Variants in GGT1 observed in about 807,000 individuals in gnomAD.
GGT1 encodes the protein gamma-glutamyltransferase 1.
GGT1 carries 21 observed loss-of-function variants against 56.0 expected under a neutral mutation model. The ratio of observed to expected loss-of-function variants is 0.38; its 90% confidence interval spans 0.27 to 0.54. The LOEUF is 0.54. Among genes scored for constraint, GGT1 ranks in the 20% least tolerant of loss-of-function variants. GGT1 has a pLI of 0.82. For synonymous variants in GGT1, 238 were observed against 342.6 expected (o/e 0.69, Z 3.37); for missense variants, 466 against 787.0 (o/e 0.59, Z 4.88).
At chr22:24,613,669 G>A (rs2046858507) in intron 5 of GGT1, among the ~76,000 whole-genome samples, 1 of 151,346 alleles carries the variant, frequency 6.6e-6, no homozygotes, top group Non-Finnish European at 1.5e-5. Flanking sequence ...GGAATCACTT[G>A]AACCCAGGAG....
chr22:24,607,541 T>C (rs567773445), intron 1 of GGT1: 6 of 154,776 alleles, frequency 3.9e-5, no homozygotes, highest in East Asian at 3.8e-4. Flanking sequence ...GCGTGAACTT[T>C]AGTCACGTGG....
In GGT1 at chr22:24,625,393, C is replaced by T. The variant is rs550149510; in HGVS notation, c.1020+1477C>T. Among the ~76,000 whole-genome samples the T allele has an allele frequency of 1.1e-4, 17 of 152,300 alleles. No homozygotes were observed. In the South Asian group the frequency reaches 3.5e-3, roughly 32 times the overall value. ...GGCTCAAGCAATCCTCCCACTTCAGCCCCCTGAACAGCTGGGACCAGAGGC... is the reference window on the plus strand; with the variant it reads ...GGCTCAAGCAATCCTCCCACTTCAGTCCCCTGAACAGCTGGGACCAGAGGC... On this transcript the variant is annotated intron_variant, in intron 11 of 15. Coordinates refer to ENST00000400382, the MANE Select transcript of GGT1 (RefSeq NM_001288833.2).
the GGT1 span, chr22:24,588,544 C>T: frequency 2.6e-6 from 2 of 768,400 alleles, no homozygotes; most frequent in Non-Finnish European, 2.0e-6. Flanking sequence ...GCTGGACAGG[C>T]TGGTCCAGTC....
rs2047323170 is a variant in GGT1, at chr22:24,620,042, A to T, written c.383-286A>T. Among the ~76,000 whole-genome samples, 1 of 151,438 alleles carries T rather than the reference A, an allele frequency of 6.6e-6. No individual in the cohort carries two copies. The highest frequency in any genetic ancestry group is 2.4e-5 in the African/African-American group (1 of 41,144). On this transcript the variant is annotated intron_variant, in intron 7 of 15. Transcript: ENST00000400382. This position sits in a 1 kb window ranked among gnomAD's most constrained non-coding sequence, Gnocchi z 5.6. ...AAAAAAAAACAATTAAAATTAAAAA[A>T]TAAATTTAAAAATTAAAAATCCCCT...
rs532666474 is a variant in GGT1 at position 24,620,401 on chromosome 22, C to G, written c.456C>G (p.Pro152=). The G allele has an allele frequency of 1.2e-6, 2 of 1,611,208 alleles. No individual in the cohort carries two copies. Among genetic ancestry groups the G allele is most frequent in the Middle Eastern group, 2.3e-4 (1 of 4,422 alleles). ...CACACCAGCGGCATGGGCGGCTGCC[C>G]TGGGCTCGCCTCTTCCAGCCCAGCA... The part of the protein sequence containing the change: ...ELAHQRHGRL[P]WARLFQPSIQ... The change falls in exon 8 of 16, where the codon CCC becomes CCG. Residue 152 remains proline, a synonymous_variant. Transcript: ENST00000400382. This position sits in a 1 kb window ranked among gnomAD's most constrained non-coding sequence, Gnocchi z 5.6.
chr22:24,589,379 G>A, the GGT1 span: 1 of 1,115,656 alleles, frequency 9.0e-7, no homozygotes, highest in Non-Finnish European at 1.1e-6. Context: ...AAGGGTGTCT[G>A]TACAGGATGG....
At chr22:24,592,512 C>T, upstream of GGT1, 1 of 439,730 alleles carries the variant, frequency 2.3e-6, no homozygotes. Flanking sequence ...CCCCTCCCAT[C>T]TTGCCAGGGC....
chr22:24,611,864 TG>T (rs1463831044), intron 5 of GGT1, among the ~76,000 whole-genome samples: 1 of 151,302 alleles, frequency 6.6e-6, no homozygotes, highest in Admixed American at 6.6e-5. Flanking sequence ...TGGAGGGCAG[TG>T]GTGCAATCTT....
At chr22:24,589,198 A>C in the GGT1 span, 9 of 1,211,688 alleles carry the variant, frequency 7.4e-6, no homozygotes, top group East Asian at 6.8e-4. Context: ...ACAGCCACAC[A>C]TCCTGGGGCT....
At chr22:24,585,763 T>A in the GGT1 span, 1 of 1,062,510 alleles carries the variant, frequency 9.4e-7, no homozygotes, top group African/African-American at 1.6e-5. Flanking sequence ...GTCCCCTTAA[T>A]CTCAGGCTGA....
chr22:24,618,832 C>T lies in GGT1; in HGVS notation c.383-1496C>T, dbSNP rs556564909. On this transcript the variant is annotated intron_variant, in intron 7 of 15. Transcript: ENST00000400382. ...ATCTCTCGCAAGAGCAGGAGAGTCC[C>T]TGGGGGCAGAGGCCATAGTTGTACC... 1.7e-3 allele frequency among the ~76,000 whole-genome samples: 262 copies of T among 152,258 alleles called. 1 individual carries two copies. Among genetic ancestry groups the T allele is most frequent in the African/African-American group, 6.0e-3 (248 of 41,556 alleles).
upstream of GGT1, chr22:24,592,956 G>C (rs1380231150): frequency 1.7e-6 from 2 of 1,205,534 alleles, no homozygotes; most frequent in South Asian, 6.9e-5. Context: ...CCCGGCGCTC[G>C]TAGGGCGCGG....
At chr22:24,585,890 C>T in the GGT1 span, 1 of 1,582,620 alleles carries the variant, frequency 6.3e-7, no homozygotes, top group Non-Finnish European at 8.6e-7. Context: ...GGTGGGTCAC[C>T]TGGCACAGCA....
At chr22:24,611,878 C>A (rs1378973257) in intron 5 of GGT1, among the ~76,000 whole-genome samples, 2 of 151,340 alleles carry the variant, frequency 1.3e-5, no homozygotes, top group Non-Finnish European at 2.9e-5. Context: ...GCAATCTTGG[C>A]TTACTGCAAC....
chr22:24,628,155 G>A lies in GGT1; in HGVS notation c.1411G>A (p.Ala471Thr). The A allele has an allele frequency of 6.2e-7, 1 of 1,612,030 alleles. No homozygotes were observed. The highest frequency in any genetic ancestry group is 8.5e-7 in the Non-Finnish European group (1 of 1,179,858). Residue 471 changes from alanine to threonine, a missense_variant, in exon 14 of 16, where the codon GCT becomes ACT. Coordinates refer to ENST00000400382, the MANE Select transcript of GGT1 (RefSeq NM_001288833.2). This position sits in a 1 kb window ranked among gnomAD's most constrained non-coding sequence, Gnocchi z 5.7. ...CGGCCAGGTCCGGATGGTGGTGGGA[G>A]CTGCTGGGGGCACACAGATCACCAC... ...QDGQVRMVVGAAGGTQITTAT... is the reference protein window; with the variant it reads ...QDGQVRMVVGTAGGTQITTAT...
chr22:24,627,764 C>T, intron 12 of GGT1, 88 bp from the exon 13 acceptor site: 1 of 1,553,046 alleles, frequency 6.4e-7, no homozygotes, highest in Non-Finnish European at 8.7e-7. Context: ...CTGGGCCTCT[C>T]AGTGAGTATG....
At chr22:24,622,082 G>A (rs1427333637) in intron 9 of GGT1, among the ~76,000 whole-genome samples, 1 of 151,644 alleles carries the variant, frequency 6.6e-6, no homozygotes, top group Admixed American at 6.6e-5. Context: ...CTGAGGCCAA[G>A]CTTGGTGTCT....
rs1489177399 is a variant in GGT1, at chr22:24,623,810, G to T, written c.914G>T (p.Ser305Ile). 1 of 1,610,420 alleles carries T rather than the reference G, an allele frequency of 6.2e-7. No individual in the cohort carries two copies. The highest frequency in any genetic ancestry group is 1.1e-5 in the South Asian group (1 of 90,886). The change falls in exon 11 of 16, where the codon AGC (serine) becomes ATC (isoleucine). Residue 305 changes from serine (S) to isoleucine (I), a missense_variant. Transcript: ENST00000400382. The part of the protein sequence containing the change: ...GYNFSRESVE[S>I]PEQKGLTYHR... ...AACTTCTCCCGGGAGAGCGTGGAGA[G>T]CCCCGAGCAGAAGGGCCTGACGTAC...
intron 7 of GGT1, among the ~76,000 whole-genome samples, chr22:24,618,130 C>T (rs1046397280): frequency 1.3e-5 from 2 of 152,100 alleles, no homozygotes; most frequent in African/African-American, 4.8e-5. Context: ...GTGCTTGTTA[C>T]ATGCATAGAG....
Sources: gnomAD v4.1 joint callset for allele counts (sites outside exome capture counted in the v4.1 genomes callset) on GRCh38, gnomAD v4.1.1 for gene constraint, Gnocchi (gnomAD v3.1) non-coding constraint, MANE v1.5 for transcripts, NCBI Gene and HGNC (gene_info 2026-07-23, HGNC 2026-07-21) for gene names.